Variants in APBA2 observed in about 807,000 individuals in gnomAD.
The protein encoded by APBA2 is amyloid-beta A4 precursor protein-binding family A member 2.
APBA2 carries 30 observed loss-of-function variants against 75.0 expected under a neutral mutation model. The ratio of observed to expected loss-of-function variants is 0.40; its 90% confidence interval spans 0.30 to 0.54. The LOEUF is 0.54. Among genes scored for constraint, APBA2 ranks in the 20% least tolerant of loss-of-function variants. APBA2 has a pLI of 0.49. For missense variants in APBA2, 801 were observed against 1,016.1 expected, an observed-to-expected ratio of 0.79 and a Z score of 2.88; for synonymous variants, 444 against 409.6, an observed-to-expected ratio of 1.08 and a Z score of -1.01.
intron 3 of APBA2, among the ~76,000 whole-genome samples, chr15:29,041,484 G>GAAA (rs56701766): frequency 8.3e-5 from 5 of 60,172 alleles, no homozygotes; most frequent in African/African-American, 2.2e-4. Flanking sequence ...CCCTGTCTCA[G>GAAA]AAAAAAAAAA....
intron 2 of APBA2, among the ~76,000 whole-genome samples, chr15:28,979,157 C>T (rs1455872503): frequency 6.6e-6 from 1 of 152,196 alleles, no homozygotes; most frequent in Non-Finnish European, 1.5e-5. Flanking sequence ...CTGGCCTGCC[C>T]CGATTCCAGG....
chr15:29,075,005 A>AT lies in APBA2; in HGVS notation c.1032+11dup, dbSNP rs773680021. On this transcript the variant is annotated splice_donor_region_variant and intron_variant, in intron 5 of 14. Coordinates refer to ENST00000683413, the MANE Select transcript of APBA2 (RefSeq NM_001353788.2). ...TGACAATAACAACATTCCAGAGGTAATTTTTTTCAAGGATGAGAGTTCTGG... is the reference window on the plus strand; with the variant it reads ...TGACAATAACAACATTCCAGAGGTAATTTTTTTTCAAGGATGAGAGTTCTGG... 3.1e-6 allele frequency: 5 copies of AT among 1,611,602 alleles called. No homozygotes were observed. Among genetic ancestry groups the AT allele is most frequent in the Non-Finnish European group, 4.2e-6 (5 of 1,178,422 alleles).
At chr15:28,905,328 G>A (rs182775108) in intron 1 of APBA2, among the ~76,000 whole-genome samples, 67 of 152,322 alleles carry the variant, frequency 4.4e-4, no homozygotes, top group Non-Finnish European at 8.1e-4. Context: ...TCAATTCCCC[G>A]CAATTGGACT....
intron 2 of APBA2, among the ~76,000 whole-genome samples, chr15:28,985,248 G>A (rs2037858078): frequency 6.6e-6 from 1 of 152,204 alleles, no homozygotes; most frequent in African/African-American, 2.4e-5. Context: ...CAGGGGCACG[G>A]GCTCAGCATG....
At chr15:29,070,394 A>G (rs973321608) in intron 4 of APBA2, among the ~76,000 whole-genome samples, 1 of 152,208 alleles carries the variant, frequency 6.6e-6, no homozygotes, top group Non-Finnish European at 1.5e-5. Context: ...GCCTGCCTAG[A>G]GATTTGTAAG....
intron 1 of APBA2, among the ~76,000 whole-genome samples, chr15:28,904,839 T>C (rs1249924854): frequency 6.6e-6 from 1 of 152,138 alleles, no homozygotes; most frequent in Non-Finnish European, 1.5e-5. Context: ...TTTTAGAGAC[T>C]TCCCATGACA....
At chr15:28,904,555 A>G (rs2033041119) in intron 1 of APBA2, among the ~76,000 whole-genome samples, 1 of 152,200 alleles carries the variant, frequency 6.6e-6, no homozygotes, top group African/African-American at 2.4e-5. Context: ...TTTATTACCC[A>G]CTGACAGTGA....
rs1444060314 is a variant in APBA2, at chr15:29,053,938, G to A, written c.54G>A (p.Val18=). Residue 18 remains valine (V), a synonymous_variant, in exon 4 of 15, where the codon GTG becomes GTA. Transcript: ENST00000683413. ...SVGSGMLDHR[V]RPGPVPHSQE... ...GGAGCGGCATGTTGGACCATAGGGT[G>A]AGACCAGGTCCTGTCCCTCACAGCC... The A allele has an allele frequency of 5.6e-6, 9 of 1,614,106 alleles. No individual in the cohort carries two copies. Among genetic ancestry groups the A allele is most frequent in the Middle Eastern group, 1.7e-4 (1 of 6,058 alleles).
chr15:28,916,530 C>A (rs1469604726), intron 1 of APBA2, among the ~76,000 whole-genome samples: 4 of 152,222 alleles, frequency 2.6e-5, no homozygotes, highest in African/African-American at 9.7e-5. Flanking sequence ...CCTCTCTCCC[C>A]GCTCCCCTCC....
At chr15:28,940,979 A>G (rs1264121128) in intron 2 of APBA2, among the ~76,000 whole-genome samples, 7 of 152,256 alleles carry the variant, frequency 4.6e-5, no homozygotes, top group Admixed American at 1.3e-4. Context: ...GAACATCAGT[A>G]AGAGTAAAAA....
At chr15:29,105,637 C>G in intron 11 of APBA2, 79 bp downstream of exon 11, 4 of 1,521,622 alleles carry the variant, frequency 2.6e-6, no homozygotes, top group Non-Finnish European at 3.6e-6. Flanking sequence ...CGAGCCTTCC[C>G]GGGGTCCTCA....
chr15:29,081,634 A>G (rs565093385), intron 6 of APBA2, among the ~76,000 whole-genome samples: 5 of 152,334 alleles, frequency 3.3e-5, no homozygotes, highest in Admixed American at 6.5e-5. Context: ...CAGCTCATCC[A>G]TAGGCCCTTT....
At chr15:28,939,460 C>G (rs1411722166) in intron 2 of APBA2, among the ~76,000 whole-genome samples, 1 of 152,188 alleles carries the variant, frequency 6.6e-6, no homozygotes, top group Non-Finnish European at 1.5e-5. Flanking sequence ...CACCCATTTA[C>G]ATTTCTATTA....
At chr15:28,935,090 C>T (rs1195311811) in intron 2 of APBA2, among the ~76,000 whole-genome samples, 1 of 152,220 alleles carries the variant, frequency 6.6e-6, no homozygotes, top group Non-Finnish European at 1.5e-5. Context: ...GGATTCTCCA[C>T]TTCCCCACAG....
At chr15:29,071,384 C>T (rs2042616059) in intron 4 of APBA2, among the ~76,000 whole-genome samples, 1 of 151,742 alleles carries the variant, frequency 6.6e-6, no homozygotes, top group East Asian at 1.9e-4. Context: ...GCTCCGGGGA[C>T]ACACGCTGAT....
chr15:29,105,899 G>A (rs141643586), intron 11 of APBA2, among the ~76,000 whole-genome samples: 1 of 152,386 alleles, frequency 6.6e-6, no homozygotes, highest in Non-Finnish European at 1.5e-5. Flanking sequence ...GGCAGAGGAG[G>A]CTGGAAGCCA....
intron 2 of APBA2, among the ~76,000 whole-genome samples, chr15:28,984,666 C>G (rs929671828): frequency 6.6e-6 from 1 of 151,760 alleles, no homozygotes; most frequent in Non-Finnish European, 1.5e-5. Flanking sequence ...GCTGGGGGAG[C>G]TGCTGTATAT....
chr15:28,919,794 A>G (rs1362914208), intron 1 of APBA2, among the ~76,000 whole-genome samples: 1 of 152,094 alleles, frequency 6.6e-6, no homozygotes, highest in Non-Finnish European at 1.5e-5. Flanking sequence ...CCTGATCCAT[A>G]TTGATGTGAT....
intron 2 of APBA2, among the ~76,000 whole-genome samples, chr15:28,972,772 C>T (rs931721220): frequency 2.0e-5 from 3 of 152,104 alleles, no homozygotes; most frequent in African/African-American, 4.8e-5. Flanking sequence ...CATCATCTGT[C>T]GATAATTTAA....
Sources: gnomAD v4.1 joint callset for allele counts (sites outside exome capture counted in the v4.1 genomes callset) on GRCh38, gnomAD v4.1.1 for gene constraint, MANE v1.5 for transcripts, NCBI Gene and HGNC (gene_info 2026-07-23, HGNC 2026-07-21) for gene names.